Variants in CIPC observed in about 807,000 individuals in gnomAD.
The protein encoded by CIPC is CLOCK-interacting pacemaker.
In CIPC, 12 loss-of-function variants were observed where a neutral mutation model predicts 26.7. The observed-to-expected ratio is 0.45, with a 90% CI of 0.29 to 0.73. The LOEUF is 0.73. Among genes scored for constraint, CIPC ranks in the 30% least tolerant of loss-of-function variants. CIPC has a pLI of 0.12. For missense variants in CIPC, 417 were observed against 486.5 expected, an observed-to-expected ratio of 0.86 and a Z score of 1.34; for synonymous variants, 170 against 189.8, an observed-to-expected ratio of 0.90 and a Z score of 0.86.
In CIPC at chr14:77,114,025, C is replaced by T; in HGVS notation, c.907C>T (p.Pro303Ser). The T allele has an allele frequency of 6.2e-7, 1 of 1,614,216 alleles. No homozygotes were observed. The highest frequency in any genetic ancestry group is 8.5e-7 in the Non-Finnish European group (1 of 1,180,032). The change falls in exon 4 of 4, where the codon CCA becomes TCA. Residue 303 changes from proline to serine, a missense_variant. Pro to Ser is a moderately conservative substitution (Grantham distance 74, BLOSUM62 -1). Coordinates refer to ENST00000361786, the MANE Select transcript of CIPC (RefSeq NM_033426.3). ...LWAAEHLCRS[P>S]DIFSEQRQSK... Reference sequence around the variant, plus strand: ...GGCTGCAGAGCACCTCTGCCGCAGCCCAGATATCTTTTCAGAGCAGCGGCA... The same window carrying T: ...GGCTGCAGAGCACCTCTGCCGCAGCTCAGATATCTTTTCAGAGCAGCGGCA...
intron 1 of CIPC, among the ~76,000 whole-genome samples, chr14:77,099,664 C>T (rs1355709024): frequency 6.6e-6 from 1 of 152,196 alleles, no homozygotes; most frequent in African/African-American, 2.4e-5. Context: ...TTAAAGGGAA[C>T]TTGAGCTTCC....
rs1014076533 is a variant in CIPC at position 77,114,367 on chromosome 14, G to A, written c.*49G>A. ...CTTGAGTGGTTCTTTTAGCTCATTT[G>A]CTGTTACCTACTCCTGTTTCCCAAA... On this transcript the variant is annotated 3_prime_UTR_variant, in exon 4 of 4. Coordinates refer to ENST00000361786, the MANE Select transcript of CIPC (RefSeq NM_033426.3). The A allele has an allele frequency of 1.3e-6, 2 of 1,508,888 alleles. No individual in the cohort carries two copies. The highest frequency in any genetic ancestry group is 2.8e-5 in the African/African-American group (2 of 71,434). The allele number at this position is 1,508,888 out of a possible 1,614,324, so 93.5% of individuals were successfully genotyped here. A position where few individuals can be genotyped will look rare whatever the true frequency, so the allele number is the denominator to read the frequency against.
At chr14:77,101,604 A>G (rs558891899) in intron 1 of CIPC, among the ~76,000 whole-genome samples, 2 of 152,336 alleles carry the variant, frequency 1.3e-5, no homozygotes, top group South Asian at 2.1e-4. Context: ...TAAGGGTCAT[A>G]GTTGACCCTC....
At chr14:77,109,427 C>T (rs1292545364) in intron 2 of CIPC, among the ~76,000 whole-genome samples, 1 of 152,134 alleles carries the variant, frequency 6.6e-6, no homozygotes, top group African/African-American at 2.4e-5. Context: ...CTTAATCCTA[C>T]CTTGGGCCAT....
chr14:77,103,141 C>T (rs981812820), intron 1 of CIPC, among the ~76,000 whole-genome samples: 2 of 152,178 alleles, frequency 1.3e-5, no homozygotes, highest in Admixed American at 6.5e-5. Flanking sequence ...GAGTTAGATA[C>T]GGGGCAAAAT....
chr14:77,114,082 G>C lies in CIPC; in HGVS notation c.964G>C (p.Val322Leu), dbSNP rs766987446. ...SKHRRFQNTL[V>L]VLHKSGLLEI... is the part of the protein sequence containing the mutation. ...ACATAGGCGCTTTCAGAATACCCTA[G>C]TAGTCCTACATAAATCTGGTTTGCT... is the stretch of plus-strand genomic sequence containing the variant. Residue 322 changes from valine to leucine, a missense_variant, in exon 4 of 4, where the codon GTA (valine) becomes CTA (leucine). By Grantham distance (32) the Val-to-Leu change is conservative (BLOSUM62 1). Transcript: ENST00000361786. The C allele has an allele frequency of 1.4e-5, 22 of 1,614,022 alleles. No homozygotes were observed. In the Admixed American group the frequency reaches 2.5e-4, roughly 18 times the overall value.
At chr14:77,110,861 G>A (rs1298648761) in intron 3 of CIPC, among the ~76,000 whole-genome samples, 15 of 152,180 alleles carry the variant, frequency 9.9e-5, no homozygotes, top group Admixed American at 9.8e-4. Flanking sequence ...CCCCCTTAGG[G>A]TAAAAGGTGA....
rs1216621755 is a variant in CIPC at position 77,109,951 on chromosome 14, G to A, written c.276G>A (p.Met92Ile). Residue 92 changes from methionine (M) to isoleucine (I), a missense_variant, in exon 3 of 4, where the codon ATG becomes ATA. Transcript: ENST00000361786. ...AKNAFPTLSP[M>I]VVMKNVLVKQ... The stretch of plus-strand genomic sequence containing the variant: ...ATGCCTTCCCTACCCTGTCTCCCAT[G>A]GTCGTCATGAAGAATGTGCTTGTCA... 2 of 1,614,190 alleles carry A rather than the reference G, an allele frequency of 1.2e-6. No homozygotes were observed. Among genetic ancestry groups the A allele is most frequent in the Non-Finnish European group, 1.7e-6 (2 of 1,180,034 alleles).
In CIPC at chr14:77,113,502, A is replaced by G. The variant is rs556000621; in HGVS notation, c.384A>G (p.Leu128=). The G allele has an allele frequency of 6.2e-7, 1 of 1,614,148 alleles. No individual in the cohort carries two copies. Among genetic ancestry groups the G allele is most frequent in the South Asian group, 1.1e-5 (1 of 91,074 alleles). ...TGATCTCAGCACAGCCACAGCTCTT[A>G]TTCCTTCATCCACCTGTACCATCTC... is the stretch of plus-strand genomic sequence containing the variant. ...FEVISAQPQL[L]FLHPPVPSPV... The change falls in exon 4 of 4, where the codon TTA becomes TTG. Residue 128 remains leucine, a synonymous_variant. Transcript: ENST00000361786.
chr14:77,111,911 A>G (rs1032130150), intron 3 of CIPC, among the ~76,000 whole-genome samples: 3 of 152,200 alleles, frequency 2.0e-5, no homozygotes, highest in Admixed American at 2.0e-4. Flanking sequence ...TTCTACTTCA[A>G]AAGACCTCTT....
rs1886576301 is a variant in CIPC at position 77,105,639 on chromosome 14, T to C, written c.-52-18T>C. The C allele has an allele frequency of 1.3e-6, 2 of 1,528,170 alleles. No homozygotes were observed. Among genetic ancestry groups the C allele is most frequent in the Non-Finnish European group, 8.9e-7 (1 of 1,127,182 alleles). 94.7% of individuals were successfully genotyped at this position (1,528,170 alleles called of 1,614,324 possible). ...CAGCTCTCCAGGCAGTGACTTCTTA[T>C]ATAATTGTTTTTCATAGGGCAGTCC... On this transcript the variant is annotated intron_variant, in intron 1 of 3. Coordinates refer to ENST00000361786, the MANE Select transcript of CIPC (RefSeq NM_033426.3).
At chr14:77,103,886 C>T (rs1026184871) in intron 1 of CIPC, among the ~76,000 whole-genome samples, 1 of 149,138 alleles carries the variant, frequency 6.7e-6, no homozygotes. Context: ...TTCTTGGGCT[C>T]CCTAGCTGAG....
At chr14:77,106,288 A>T (rs1200352736) in intron 2 of CIPC, among the ~76,000 whole-genome samples, 1 of 152,196 alleles carries the variant, frequency 6.6e-6, no homozygotes, top group Non-Finnish European at 1.5e-5. Context: ...TTGAGAAAGT[A>T]GTTTCGCTGT....
At chr14:77,113,308 C>T in intron 3 of CIPC, 117 bp from the exon 4 acceptor site, 1 of 1,070,116 alleles carries the variant, frequency 9.3e-7, no homozygotes, top group East Asian at 2.4e-5. Context: ...GAGAGAAGCA[C>T]TGTCCTTGAA....
Position 77,105,702 on chromosome 14 carries a change from A to G in CIPC, c.-7A>G, listed in dbSNP as rs1566804453. 1.2e-6 allele frequency: 2 copies of G among 1,613,110 alleles called. No individual in the cohort carries two copies. Among genetic ancestry groups the G allele is most frequent in the East Asian group, 2.2e-5 (1 of 44,874 alleles). Reference sequence around the variant, plus strand: ...TACCAATGAATCTGCCTCCAGCTGAATAAACCATGGAGAGGAAAAACCCAT... The same window carrying G: ...TACCAATGAATCTGCCTCCAGCTGAGTAAACCATGGAGAGGAAAAACCCAT... On this transcript the variant is annotated 5_prime_UTR_variant, in exon 2 of 4. Transcript: ENST00000361786.
chr14:77,100,572 T>TC (rs1430361951), intron 1 of CIPC, among the ~76,000 whole-genome samples: 3 of 150,202 alleles, frequency 2.0e-5, no homozygotes, highest in Non-Finnish European at 3.0e-5. Flanking sequence ...TCTTTTCTCT[T>TC]CTTTTTTTTT....
chr14:77,102,917 A>G (rs79797035), intron 1 of CIPC, among the ~76,000 whole-genome samples: 2,240 of 152,380 alleles, frequency 0.015, 52 homozygotes, highest in African/African-American at 0.045. Context: ...CAATTTAATT[A>G]GAGATATAGT....
At chr14:77,108,651 A>G (rs2661830) in intron 2 of CIPC, among the ~76,000 whole-genome samples, 27,348 of 151,848 alleles carry the variant, frequency 0.18, 2,535 homozygotes, top group East Asian at 0.24. Flanking sequence ...AGATCATGCC[A>G]TTGCACTACA....
rs1049612335 is a variant in CIPC at position 77,115,490 on chromosome 14, A to G, written c.*1172A>G. On this transcript the variant is annotated 3_prime_UTR_variant, in exon 4 of 4. Transcript: ENST00000361786. ...AAGCCAGAGGTGTAATGTTGGTTATATGAAGTTCATCTCAAAATGGAGACC... is the reference window on the plus strand; with the variant it reads ...AAGCCAGAGGTGTAATGTTGGTTATGTGAAGTTCATCTCAAAATGGAGACC... 3 of 152,214 alleles carry G rather than the reference A, an allele frequency of 2.0e-5. No homozygotes were observed. The highest frequency in any genetic ancestry group is 4.8e-5 in the African/African-American group (2 of 41,458). The allele number at this position is 152,214 out of a possible 1,614,324, so 9.4% of individuals were successfully genotyped here.
Sources: allele counts gnomAD v4.1 joint callset (sites outside exome capture counted in the v4.1 genomes callset), GRCh38; gene constraint gnomAD v4.1.1; transcripts MANE v1.5; gene names NCBI Gene and HGNC (gene_info 2026-07-23, HGNC 2026-07-21).